ELAVL2: variants seen among roughly 807,000 people sequenced by gnomAD.
ELAVL2 encodes ELAV-like protein 2.
In ELAVL2, 4 loss-of-function variants were observed where a neutral mutation model predicts 34.6. The observed-to-expected ratio is 0.12, with a 90% confidence interval of 0.06 to 0.26. The LOEUF (loss-of-function observed/expected upper bound fraction) is 0.26. ELAVL2 is among the 10% of genes least tolerant of loss of function. The pLI is 1.00. For missense variants in ELAVL2, 432 were observed against 442.8 expected (o/e 0.98, Z 0.22); for synonymous variants, 193 against 154.8 (o/e 1.25, Z -1.83).
At chr9:23,719,661 T>C (rs2043165469) in intron 3 of ELAVL2, among the ~76,000 whole-genome samples, 1 of 152,128 alleles carries the variant, frequency 6.6e-6, no homozygotes, top group African/African-American at 2.4e-5. Flanking sequence ...TTTAAAAAAT[T>C]ATAGCATAAA....
rs544473479 is a variant in ELAVL2, at chr9:23,716,889, A to T, written c.334-11818T>A. ...GAATAAAGATTTCTGTAGGACACTG[A>T]CAACACTAGAACAGTGAGTTGAGGG... On this transcript the variant is annotated intron_variant, in intron 3 of 6. Coordinates refer to ENST00000397312, the MANE Select transcript of ELAVL2 (RefSeq NM_004432.5). Among the ~76,000 whole-genome samples, 317 of 152,328 alleles carry T rather than the reference A, an allele frequency of 2.1e-3. 1 individual carries two copies. Among genetic ancestry groups the T allele is most frequent in the African/African-American group, 7.2e-3 (298 of 41,572 alleles).
chr9:23,791,528 G>C (rs1166177256), intron 1 of ELAVL2, among the ~76,000 whole-genome samples: 1 of 152,118 alleles, frequency 6.6e-6, no homozygotes, highest in East Asian at 1.9e-4. Flanking sequence ...CAACCACTCT[G>C]TTTTTCACTC....
intron 3 of ELAVL2, among the ~76,000 whole-genome samples, chr9:23,725,892 G>A (rs996747423): frequency 6.6e-6 from 1 of 152,052 alleles, no homozygotes; most frequent in Non-Finnish European, 1.5e-5. Context: ...TAAAAAGCAG[G>A]TAATGAAAAT....
At chr9:23,803,477 T>C (rs1433834563) in intron 1 of ELAVL2, among the ~76,000 whole-genome samples, 8 of 152,174 alleles carry the variant, frequency 5.3e-5, no homozygotes. Context: ...AAGCCATGCA[T>C]GCTCCATCTT....
rs532768355 is a variant in ELAVL2 at position 23,759,381 on chromosome 9, T to G, written c.229+2625A>C. On this transcript the variant is annotated intron_variant, in intron 2 of 6. Transcript: ENST00000397312. ...GATCTCATTGGAGGCGAGAGCAGAA[T>G]AGTGGGTACCAGAGGGTGGAGAAGA... Among the ~76,000 whole-genome samples, 9 of 151,758 alleles carry G rather than the reference T, an allele frequency of 5.9e-5. No individual in the cohort carries two copies. The East Asian group carries it at 1.6e-3, about 26-fold the overall frequency.
chr9:23,717,927 A>G (rs1233555425), intron 3 of ELAVL2, among the ~76,000 whole-genome samples: 1 of 152,198 alleles, frequency 6.6e-6, no homozygotes, highest in Non-Finnish European at 1.5e-5. Context: ...TGGTCTCAGT[A>G]AAACAAAAAA....
At chr9:23,721,553 G>C (rs1224846745) in intron 3 of ELAVL2, among the ~76,000 whole-genome samples, 1 of 152,220 alleles carries the variant, frequency 6.6e-6, no homozygotes, top group East Asian at 1.9e-4. Flanking sequence ...ATTCAAAAGA[G>C]TTCTTCACAG....
chr9:23,728,304 C>A (rs1587794500), intron 3 of ELAVL2, among the ~76,000 whole-genome samples: 1 of 152,214 alleles, frequency 6.6e-6, no homozygotes, highest in East Asian at 1.9e-4. Flanking sequence ...GGACAGAATT[C>A]CTTTAGATGG....
At chr9:23,745,117 T>C (rs1192918971) in intron 2 of ELAVL2, among the ~76,000 whole-genome samples, 1 of 152,004 alleles carries the variant, frequency 6.6e-6, no homozygotes, top group Admixed American at 6.6e-5. Flanking sequence ...GGTGGGAAGA[T>C]CACTTGAGCT....
intron 1 of ELAVL2, among the ~76,000 whole-genome samples, chr9:23,770,155 CAT>C (rs2057045731): frequency 1.3e-5 from 2 of 152,096 alleles, no homozygotes. Context: ...GTGTGCAGAA[CAT>C]ATACAAGTAT....
chr9:23,719,528 G>C (rs1176387672), intron 3 of ELAVL2, among the ~76,000 whole-genome samples: 1 of 152,102 alleles, frequency 6.6e-6, no homozygotes, highest in African/African-American at 2.4e-5. Context: ...CTGAGCAGGG[G>C]GAAAACACTG....
chr9:23,835,695 C>T, the ELAVL2 span, among the ~76,000 whole-genome samples: 3 of 152,050 alleles, frequency 2.0e-5, no homozygotes, highest in Non-Finnish European at 4.4e-5. Context: ...TTTTGCAGTT[C>T]CCTCCTGGGC....
intron 1 of ELAVL2, among the ~76,000 whole-genome samples, chr9:23,771,525 C>G (rs777921165): frequency 3.4e-4 from 52 of 152,070 alleles, no homozygotes; most frequent in Non-Finnish European, 6.3e-4. Flanking sequence ...TGGATATTCA[C>G]TATTCACTTT....
At chr9:23,819,007 G>A (rs1366894055) in intron 1 of ELAVL2, among the ~76,000 whole-genome samples, 2 of 152,208 alleles carry the variant, frequency 1.3e-5, no homozygotes, top group Admixed American at 1.3e-4. Context: ...TAAAAGTCAG[G>A]ATATTCTGGA....
At chr9:23,768,246 A>G (rs2056687438) in intron 1 of ELAVL2, among the ~76,000 whole-genome samples, 1 of 152,180 alleles carries the variant, frequency 6.6e-6, no homozygotes, top group African/African-American at 2.4e-5. Flanking sequence ...TCCCTCAAAC[A>G]GTCCAGTACC....
intron 2 of ELAVL2, among the ~76,000 whole-genome samples, chr9:23,748,711 C>T (rs552365957): frequency 6.6e-5 from 10 of 152,126 alleles, no homozygotes; most frequent in African/African-American, 2.2e-4. Context: ...GGGAATGTGG[C>T]ATGAACTAAA....
intron 1 of ELAVL2, among the ~76,000 whole-genome samples, chr9:23,769,941 CCTT>C (rs1394789226): frequency 1.3e-5 from 2 of 152,124 alleles, no homozygotes; most frequent in East Asian, 3.9e-4. Context: ...GGTCCCAAGT[CCTT>C]CTCTTCAGTC....
chr9:23,815,507 T>C (rs1282298484), intron 1 of ELAVL2, among the ~76,000 whole-genome samples: 1 of 152,170 alleles, frequency 6.6e-6, no homozygotes, highest in African/African-American at 2.4e-5. Flanking sequence ...CATAACACAT[T>C]GAAAGCCAAA....
At chr9:23,830,028 T>C (rs1215917642), upstream of ELAVL2, 2 of 152,184 alleles carry the variant, frequency 1.3e-5, no homozygotes, top group Admixed American at 1.3e-4. Context: ...CACCTTCCAC[T>C]GTCCTGTTTT....
Sources: gnomAD v4.1 joint callset for allele counts (sites outside exome capture counted in the v4.1 genomes callset) on GRCh38, gnomAD v4.1.1 for gene constraint, MANE v1.5 for transcripts, NCBI Gene and HGNC (gene_info 2026-07-23, HGNC 2026-07-21) for gene names.